The following CHCHD3 variants were observed in gnomAD, a reference collection of about 807,000 sequenced individuals.
CHCHD3 encodes the protein coiled-coil-helix-coiled-coil-helix domain containing 3.
A neutral mutation model predicts 38.2 loss-of-function variants in CHCHD3; 20 were observed. The observed-to-expected ratio is 0.52, with a 90% confidence interval of 0.37 to 0.76. CHCHD3 has a LOEUF of 0.76. CHCHD3 is among the 30% of genes least tolerant of loss of function. CHCHD3 has a pLI of 0.00. For missense variants in CHCHD3, 245 were observed against 279.2 expected (o/e 0.88, Z 0.87); for synonymous variants, 82 against 100.0 (o/e 0.82, Z 1.07).
intron 4 of CHCHD3, among the ~76,000 whole-genome samples, chr7:132,911,365 C>T (rs1809946404): frequency 6.6e-6 from 1 of 152,132 alleles, no homozygotes; most frequent in Admixed American, 6.5e-5. Context: ...AGGCACAGAG[C>T]AGCAAAGACC....
At chr7:132,927,134 A>G (rs1810397404) in intron 4 of CHCHD3, among the ~76,000 whole-genome samples, 1 of 152,236 alleles carries the variant, frequency 6.6e-6, no homozygotes, top group African/African-American at 2.4e-5. Flanking sequence ...ACAAACAGTT[A>G]AGAGCCCACT....
chr7:132,803,781 C>T (rs1250848753), intron 6 of CHCHD3, among the ~76,000 whole-genome samples: 1 of 146,056 alleles, frequency 6.8e-6, no homozygotes, highest in African/African-American at 2.5e-5. Flanking sequence ...ACACTCTTCC[C>T]GGTGGTGGGT....
intron 3 of CHCHD3, among the ~76,000 whole-genome samples, chr7:132,990,981 C>CACAA (rs1376258976): frequency 1.3e-5 from 2 of 151,486 alleles, no homozygotes; most frequent in African/African-American, 4.9e-5. Context: ...CACACACACA[C>CACAA]AACCTAACTC....
At chr7:132,943,376 G>A (rs1810816304) in intron 4 of CHCHD3, among the ~76,000 whole-genome samples, 2 of 151,914 alleles carry the variant, frequency 1.3e-5, no homozygotes, top group Non-Finnish European at 1.5e-5. Context: ...TTCAAGAATT[G>A]GTAAATATAC....
At chr7:133,047,313 G>C (rs1213464404) in intron 2 of CHCHD3, among the ~76,000 whole-genome samples, 4 of 151,962 alleles carry the variant, frequency 2.6e-5, no homozygotes, top group East Asian at 1.9e-4. Flanking sequence ...ATTTTCATAA[G>C]ACAATCCAAA....
chr7:132,855,185 G>C (rs893306855), intron 5 of CHCHD3, among the ~76,000 whole-genome samples: 1 of 152,142 alleles, frequency 6.6e-6, no homozygotes, highest in Admixed American at 6.5e-5. Context: ...AAATATTATA[G>C]TTCTTTCAGT....
intron 4 of CHCHD3, among the ~76,000 whole-genome samples, chr7:132,896,307 T>C (rs1045086376): frequency 2.0e-5 from 3 of 152,216 alleles, no homozygotes; most frequent in East Asian, 3.9e-4. Flanking sequence ...AAGGCTGAGA[T>C]TCCATTGACA....
intron 6 of CHCHD3, among the ~76,000 whole-genome samples, chr7:132,830,384 T>C (rs1305638894): frequency 2.0e-5 from 3 of 152,308 alleles, no homozygotes; most frequent in East Asian, 3.9e-4. Flanking sequence ...CATCTACAAC[T>C]TTCCTAAAAT....
chr7:132,854,256 G>A (rs1323645224), intron 5 of CHCHD3, among the ~76,000 whole-genome samples: 1 of 152,090 alleles, frequency 6.6e-6, no homozygotes, highest in Admixed American at 6.5e-5. Flanking sequence ...TGAAAAACAA[G>A]TATTTAGCCA....
chr7:133,025,535 C>T (rs886122555), intron 2 of CHCHD3, among the ~76,000 whole-genome samples: 2 of 152,178 alleles, frequency 1.3e-5, no homozygotes, highest in Non-Finnish European at 2.9e-5. Context: ...GACAGAGTCT[C>T]GCTCTGTTGC....
At chr7:133,078,401 C>G (rs117643385) in intron 1 of CHCHD3, among the ~76,000 whole-genome samples, 2 of 152,108 alleles carry the variant, frequency 1.3e-5, no homozygotes, top group East Asian at 1.9e-4. Context: ...GATGACTGAG[C>G]CTGGTGGAGC....
chr7:132,833,915 C>T (rs1199500889), intron 6 of CHCHD3, among the ~76,000 whole-genome samples: 1 of 152,112 alleles, frequency 6.6e-6, no homozygotes, highest in Non-Finnish European at 1.5e-5. Context: ...CTTTAAAAAG[C>T]TTCTATCTCC....
intron 4 of CHCHD3, among the ~76,000 whole-genome samples, chr7:132,913,263 C>A (rs547065002): frequency 6.6e-6 from 1 of 152,274 alleles, no homozygotes; most frequent in Admixed American, 6.5e-5. Context: ...ATGAACCAAA[C>A]CCTGATTCAA....
At chr7:133,040,084 G>T (rs576193568) in intron 2 of CHCHD3, among the ~76,000 whole-genome samples, 1 of 152,080 alleles carries the variant, frequency 6.6e-6, no homozygotes, top group East Asian at 1.9e-4. Context: ...TTACTAAAAC[G>T]TATGTCCAAC....
At chr7:132,935,047 C>T (rs1402004737) in intron 4 of CHCHD3, among the ~76,000 whole-genome samples, 2 of 152,154 alleles carry the variant, frequency 1.3e-5, no homozygotes, top group Admixed American at 6.6e-5. Flanking sequence ...TGAGTATACT[C>T]GTGTAATCCA....
intron 7 of CHCHD3, among the ~76,000 whole-genome samples, chr7:132,792,088 C>G (rs1439840430): frequency 6.6e-6 from 1 of 152,226 alleles, no homozygotes; most frequent in African/African-American, 2.4e-5. Context: ...AGGTCCCACA[C>G]TGACCTCTGT....
At chr7:133,018,097 TAAA>T (rs1026700788) in intron 3 of CHCHD3, among the ~76,000 whole-genome samples, 2 of 152,140 alleles carry the variant, frequency 1.3e-5, no homozygotes, top group Non-Finnish European at 2.9e-5. Context: ...ATAAAGCATT[TAAA>T]AAAACAGCAA....
At chr7:132,864,580 C>A (rs1372714801) in intron 5 of CHCHD3, among the ~76,000 whole-genome samples, 1 of 152,116 alleles carries the variant, frequency 6.6e-6, no homozygotes, top group Non-Finnish European at 1.5e-5. Context: ...TTGCCACAAA[C>A]TTTAAATTTG....
At chr7:132,901,397 G>A in intron 4 of CHCHD3, among the ~76,000 whole-genome samples, 1 of 152,222 alleles carries the variant, frequency 6.6e-6, no homozygotes, top group East Asian at 1.9e-4. Context: ...AGCCACCTCA[G>A]TGCCGGGATG....
Sources: gnomAD v4.1 joint callset for allele counts (sites outside exome capture counted in the v4.1 genomes callset) on GRCh38, gnomAD v4.1.1 for gene constraint, MANE v1.5 for transcripts, NCBI Gene and HGNC (gene_info 2026-07-23, HGNC 2026-07-21) for gene names.